SMG1: variants seen among roughly 807,000 people sequenced by gnomAD.
SMG1 encodes the protein SMG1 nonsense mediated mRNA decay associated PI3K related kinase.
Under a neutral mutation model 419.9 loss-of-function variants are expected in SMG1, and 22 were observed. The observed-to-expected ratio is 0.05, with a 90% CI of 0.04 to 0.07. The LOEUF (loss-of-function observed/expected upper bound fraction) is 0.07. SMG1 is among the 10% of genes least tolerant of loss of function. The pLI, the probability that SMG1 is intolerant of heterozygous loss-of-function variation, is 1.00. For missense variants in SMG1, 3,185 were observed against 4,342.0 expected (o/e 0.73, Z 7.49); for synonymous variants, 1,538 against 1,553.5 (o/e 0.99, Z 0.23).
intron 11 of SMG1, chr16:18,878,587 A>AT (rs1161219083): frequency 6.6e-6 from 1 of 151,292 alleles, no homozygotes; most frequent in Non-Finnish European, 1.5e-5. Flanking sequence ...AACCAGGGGA[A>AT]TACAGCAAGA....
At chr16:18,895,504 A>C (rs144086754) in intron 3 of SMG1, among the ~76,000 whole-genome samples, 331 of 151,372 alleles carry the variant, frequency 2.2e-3, no homozygotes, top group Middle Eastern at 3.5e-3. Context: ...ACAACAACAA[A>C]AAAAAAAACC....
chr16:18,907,677 G>A (rs2037618097), intron 1 of SMG1, among the ~76,000 whole-genome samples: 1 of 151,712 alleles, frequency 6.6e-6, no homozygotes, highest in African/African-American at 2.4e-5. Flanking sequence ...GTGAAACCCT[G>A]TCTCTACCAA....
intron 30 of SMG1, 92 bp from the exon 31 acceptor site, chr16:18,853,959 A>G: frequency 3.3e-5 from 38 of 1,138,852 alleles, no homozygotes; most frequent in Non-Finnish European, 4.7e-5. Flanking sequence ...CAACATGGTG[A>G]TGACACCACC....
chr16:18,869,369 G>GC (rs2035691133), intron 19 of SMG1, 66 bp from the exon 20 acceptor site: 1 of 1,310,224 alleles, frequency 7.6e-7, no homozygotes, highest in South Asian at 1.3e-5. Context: ...AAAAAAAAAT[G>GC]CAAGGGGAAT....
Position 18,925,947 on chromosome 16 carries a change from C to T in SMG1, c.92+3G>A. ...GGGGCGGGGTCCCGGGCCGGTCACC[C>T]ACCTGGGTTGCCAGTCATTCCAGCT... On this transcript the variant is annotated splice_donor_region_variant and intron_variant, in intron 1 of 62. Coordinates refer to ENST00000446231, the MANE Select transcript of SMG1 (RefSeq NM_015092.5). 2.6e-6 allele frequency: 4 copies of T among 1,553,676 alleles called. No individual in the cohort carries two copies. Among genetic ancestry groups the T allele is most frequent in the Non-Finnish European group, 2.6e-6 (3 of 1,156,048 alleles).
chr16:18,884,878 G>GT, intron 8 of SMG1: 2 of 544,624 alleles, frequency 3.7e-6, no homozygotes, highest in Non-Finnish European at 6.4e-6. Context: ...AATAACTTGG[G>GT]TAAGTCCTGT....
In SMG1 at chr16:18,815,661, A is replaced by G; in HGVS notation, c.10303-10T>C. 1.2e-6 allele frequency: 2 copies of G among 1,607,270 alleles called. No homozygotes were observed. Among genetic ancestry groups the G allele is most frequent in the Non-Finnish European group, 1.7e-6 (2 of 1,175,314 alleles). ...GAGCAGCTTCTTCATCCTAGAATTG[A>G]TAAATTAATGATTAAGAAAAATAGT... On this transcript the variant is annotated splice_polypyrimidine_tract_variant and intron_variant, in intron 58 of 62. Transcript: ENST00000446231.
At position 18,817,358 on chromosome 16, in the gene SMG1, A is replaced by G. The variant is rs1184030310; in HGVS notation, c.10007T>C (p.Met3336Thr). 16 of 1,612,168 alleles carry G rather than the reference A, an allele frequency of 9.9e-6. No individual in the cohort carries two copies. Among genetic ancestry groups the G allele is most frequent in the Non-Finnish European group, 1.4e-5 (16 of 1,179,072 alleles). The change falls in exon 57 of 63, where the codon ATG becomes ACG. Residue 3336 changes from methionine (M) to threonine (T), a missense_variant. Around this residue, in one of 27 missense-constraint regions of SMG1, gnomAD observed 737 missense variants for 846.6 expected, o/e 0.87. Coordinates refer to ENST00000446231, the MANE Select transcript of SMG1 (RefSeq NM_015092.5). ...GTTAAACTGTGATGCAAACGAACAC[A>G]TCTGCTGACATCGCTTGATTAGTTC... ...LFELIKRCQQ[M>T]CSFASQFNSS...
chr16:18,866,355 A>G (rs2035505558), intron 23 of SMG1: 1 of 492,060 alleles, frequency 2.0e-6, no homozygotes, highest in African/African-American at 1.9e-5. Context: ...TCAACTAGGG[A>G]TCAAGTTCAA....
chr16:18,832,956 A>G lies in SMG1; in HGVS notation c.8776T>C (p.Tyr2926His). Residue 2926 changes from tyrosine (Y) to histidine (H), a missense_variant, in exon 51 of 63, where the codon TAC (tyrosine) becomes CAC (histidine). This residue lies in a region of SMG1 where 737 missense variants were observed against 846.6 expected (regional missense o/e 0.87). Transcript: ENST00000446231. Reference sequence around the variant, plus strand: ...TTCACTTGCCTGGCAACATCGATGTAATGAGCATGTGTTTCTTCTTCCAGT... The same window carrying G: ...TTCACTTGCCTGGCAACATCGATGTGATGAGCATGTGTTTCTTCTTCCAGT... ...MGLEEETHAHYIDVARLLHAQ... is the reference protein window; with the variant it reads ...MGLEEETHAHHIDVARLLHAQ... 1 of 1,613,886 alleles carries G rather than the reference A, an allele frequency of 6.2e-7. No homozygotes were observed. The highest frequency in any genetic ancestry group is 2.2e-5 in the East Asian group (1 of 44,880).
At chr16:18,901,154 G>A (rs566959296) in intron 1 of SMG1, among the ~76,000 whole-genome samples, 10 of 152,048 alleles carry the variant, frequency 6.6e-5, no homozygotes, top group East Asian at 3.9e-4. Flanking sequence ...ATAATTTATC[G>A]GTAAAACTAG....
chr16:18,893,302 CTATGAG>C (rs1420729179), intron 3 of SMG1, among the ~76,000 whole-genome samples: 4 of 152,212 alleles, frequency 2.6e-5, no homozygotes, highest in Non-Finnish European at 5.9e-5. Context: ...ATAGTGAATA[CTATGAG>C]TATAATAAAG....
intron 35 of SMG1, 105 bp downstream of exon 35, chr16:18,849,844 T>C: frequency 2.7e-6 from 3 of 1,119,884 alleles, no homozygotes; most frequent in Non-Finnish European, 3.8e-6. Flanking sequence ...AATCTGGCTA[T>C]TCTTTTTACA....
At chr16:18,902,441 G>C (rs1218990928) in intron 1 of SMG1, among the ~76,000 whole-genome samples, 1 of 152,020 alleles carries the variant, frequency 6.6e-6, no homozygotes, top group Non-Finnish European at 1.5e-5. Flanking sequence ...AGTGGCTCAA[G>C]CCTGTAACCC....
At position 18,863,577 on chromosome 16, in the gene SMG1, A is replaced by G. The variant is rs1596543765; in HGVS notation, c.3695+73T>C. 1.3e-5 allele frequency: 18 copies of G among 1,347,016 alleles called. No individual in the cohort carries two copies. In the East Asian group the frequency reaches 1.6e-4, roughly 12 times the overall value. 83.4% of individuals were successfully genotyped at this position (1,347,016 alleles called of 1,614,324 possible). A position where few individuals can be genotyped will look rare whatever the true frequency, so the allele number is the denominator to read the frequency against. On this transcript the variant is annotated intron_variant, in intron 25 of 62. Transcript: ENST00000446231. ...GTATTACTACATATGACCAATTTTA[A>G]TATTTTCTTGCCATAGGAAAAACAT...
intron 15 of SMG1, among the ~76,000 whole-genome samples, chr16:18,871,824 G>A (rs1388051161): frequency 2.6e-5 from 4 of 151,642 alleles, no homozygotes; most frequent in South Asian, 4.2e-4. Context: ...CTGTAATCGC[G>A]GCTACTTGGG....
intron 6 of SMG1, among the ~76,000 whole-genome samples, chr16:18,886,525 G>A (rs1188823267): frequency 4.6e-5 from 7 of 152,176 alleles, no homozygotes; most frequent in African/African-American, 1.2e-4. Flanking sequence ...ATTTTAGGCT[G>A]GGTGCAGTGG....
At position 18,854,082 on chromosome 16, in the gene SMG1, C is replaced by CTTTT. The variant is rs11448105; in HGVS notation, c.4484-219_4484-216dup. On this transcript the variant is annotated intron_variant, in intron 30 of 62. Coordinates refer to ENST00000446231, the MANE Select transcript of SMG1 (RefSeq NM_015092.5). Reference sequence around the variant, plus strand: ...CACTATGCCTAGCCAAAATACTAAACTTTTTTTTTTTTTTTTTTTTTTGAG... The same window carrying CTTTT: ...CACTATGCCTAGCCAAAATACTAAACTTTTTTTTTTTTTTTTTTTTTTTTTTGAG... Among the ~76,000 whole-genome samples the CTTTT allele has an allele frequency of 3.9e-3, 325 of 83,928 alleles. 1 individual carries two copies. Among genetic ancestry groups the CTTTT allele is most frequent in the African/African-American group, 4.7e-3 (92 of 19,708 alleles). 55.1% of individuals were successfully genotyped at this position (83,928 alleles called of 152,430 possible).
At chr16:18,840,063 T>C in intron 41 of SMG1, 117 bp from the exon 42 acceptor site, 2 of 763,332 alleles carry the variant, frequency 2.6e-6, no homozygotes, top group East Asian at 2.7e-5. Context: ...CATTCTCTCA[T>C]TACTCAACTA....
Sources: allele counts gnomAD v4.1 joint callset (sites outside exome capture counted in the v4.1 genomes callset), GRCh38; gene constraint gnomAD v4.1.1; regional missense constraint gnomAD v4.1.1; transcripts MANE v1.5; gene names NCBI Gene and HGNC (gene_info 2026-07-23, HGNC 2026-07-21).